Variants in DMKN observed in about 807,000 individuals in gnomAD.
DMKN encodes the protein epidermis-specific secreted protein SK30/SK89.
Under a neutral mutation model 67.6 loss-of-function variants are expected in DMKN, and 58 were observed. That is an observed-to-expected ratio of 0.86 (90% CI 0.69 to 1.07). The LOEUF (loss-of-function observed/expected upper bound fraction) is 1.07, where lower values mean the gene tolerates loss of function less well. Ranked by LOEUF, DMKN falls within the 50% of genes least tolerant of loss-of-function variation. DMKN has a pLI of 0.00. For synonymous variants in DMKN, 240 were observed against 232.3 expected (o/e 1.03, Z -0.30); for missense variants, 596 against 601.5 (o/e 0.99, Z 0.10).
chr19:35,512,608 GT>G lies in DMKN; in HGVS notation c.608del (p.Asn203ThrfsTer18). 2 of 1,614,194 alleles carry G rather than the reference GT, an allele frequency of 1.2e-6. No homozygotes were observed. The highest frequency in any genetic ancestry group is 1.7e-6 in the Non-Finnish European group (2 of 1,180,028). On this transcript the variant is annotated frameshift_variant, in exon 2 of 16. Coordinates refer to ENST00000339686, the MANE Select transcript of DMKN (RefSeq NM_033317.5). LOFTEE classifies it high-confidence loss of function. Reference protein sequence around the residue: ...WGQGGNGGPPNFGTNTQGAVA... With the variant: ...WGQGGNGGPPXFGTNTQGAVA... ...ACTTTACCTGAGTGTTGGTCCCAAA[GT>G]TTGGTGGCCCTCCATTGCCTCCTTG...
chr19:35,503,770 C>T lies in DMKN; in HGVS notation c.1135-884G>A, dbSNP rs187266095. On this transcript the variant is annotated intron_variant, in intron 9 of 15. Coordinates refer to ENST00000339686, the MANE Select transcript of DMKN (RefSeq NM_033317.5). Reference sequence around the variant, plus strand: ...GGATTACAGGCATGAGCCACCGCGCCTGGCCAGAAATAGGTTCTAAGAGAG... The same window carrying T: ...GGATTACAGGCATGAGCCACCGCGCTTGGCCAGAAATAGGTTCTAAGAGAG... 4.8e-4 allele frequency among the ~76,000 whole-genome samples: 73 copies of T among 152,274 alleles called. No homozygotes were observed. In the East Asian group the frequency reaches 0.012, roughly 24 times the overall value.
chr19:35,509,388 G>T (rs530645668), intron 7 of DMKN: 5 of 152,954 alleles, frequency 3.3e-5, no homozygotes, highest in African/African-American at 1.2e-4. Context: ...CCCTGGCCAC[G>T]TGGGTCCTTT....
At chr19:35,508,920 T>TA (rs979508144) in intron 7 of DMKN, among the ~76,000 whole-genome samples, 2 of 152,044 alleles carry the variant, frequency 1.3e-5, no homozygotes, top group East Asian at 1.9e-4. Context: ...TGAGGTATAT[T>TA]AAAAAACTAG....
chr19:35,513,163 C>G lies in DMKN; in HGVS notation c.313G>C (p.Ala105Pro). ...LGNRVGEAAH[A>P]LGNTGHEIGR... ...ATCTCGTGCCCAGTGTTTCCCAGAGCATGGGCTGCTTCCCCGACCCTGTTG... is the reference window on the plus strand; with the variant it reads ...ATCTCGTGCCCAGTGTTTCCCAGAGGATGGGCTGCTTCCCCGACCCTGTTG... Residue 105 changes from alanine (A) to proline (P), a missense_variant, in exon 1 of 16, where the codon GCT (alanine) becomes CCT (proline). Transcript: ENST00000339686. The G allele has an allele frequency of 6.2e-7, 1 of 1,614,210 alleles. No homozygotes were observed. Among genetic ancestry groups the G allele is most frequent in the East Asian group, 2.2e-5 (1 of 44,876 alleles).
intron 5 of DMKN, 165 bp from the exon 6 acceptor site, chr19:35,510,417 A>T (rs762459251): frequency 1.9e-5 from 30 of 1,552,220 alleles, no homozygotes; most frequent in Non-Finnish European, 2.6e-5. Context: ...GCAGGAAGTT[A>T]TTCCGAGCAT....
chr19:35,503,530 C>CAGT (rs2068830926), intron 9 of DMKN: 1 of 1,513,844 alleles, frequency 6.6e-7, no homozygotes. Context: ...GGCTGGAGTG[C>CAGT]AGTGGCACGA....
Position 35,513,642 on chromosome 19 carries a change from G to A in DMKN, c.-167C>T, listed in dbSNP as rs1333957163. The A allele has an allele frequency of 1.1e-6, 1 of 882,476 alleles. No individual in the cohort carries two copies. The highest frequency in any genetic ancestry group is 1.7e-5 in the African/African-American group (1 of 58,828). 54.7% of individuals were successfully genotyped at this position (882,476 alleles called of 1,614,324 possible). A position where few individuals can be genotyped will look rare whatever the true frequency, so the allele number is the denominator to read the frequency against. On this transcript the variant is annotated 5_prime_UTR_variant, in exon 1 of 16. Coordinates refer to ENST00000339686, the MANE Select transcript of DMKN (RefSeq NM_033317.5). ...TCTCTCTCCTGTCCTCAACTGCCTG[G>A]GCTTCTCAGAGTCCACCTCCCTGTC...
At chr19:35,503,387 C>G in intron 9 of DMKN, 2 of 1,551,362 alleles carry the variant, frequency 1.3e-6, no homozygotes, top group Non-Finnish European at 1.7e-6. Context: ...AGTGTGGGGG[C>G]TCCCATCCAA....
In DMKN at chr19:35,512,735, C is replaced by T; in HGVS notation, c.482G>A (p.Gly161Asp). 6.2e-7 allele frequency: 1 copy of T among 1,614,144 alleles called. No homozygotes were observed. Among genetic ancestry groups the T allele is most frequent in the Non-Finnish European group, 8.5e-7 (1 of 1,180,014 alleles). Residue 161 changes from glycine (G) to aspartate (D), a missense_variant, in exon 2 of 16, where the codon GGC (glycine) becomes GAC (aspartate). By Grantham distance (94) the Gly-to-Asp change is moderately conservative (BLOSUM62 -1). Coordinates refer to ENST00000339686, the MANE Select transcript of DMKN (RefSeq NM_033317.5). ...FGSQGGLGGQ[G>D]QGNPGGLGTP... Reference sequence around the variant, plus strand: ...CCCCAGACCTCCAGGATTGCCCTGGCCCTGGCCTCCAAGGCCACCTTGAGA... The same window carrying T: ...CCCCAGACCTCCAGGATTGCCCTGGTCCTGGCCTCCAAGGCCACCTTGAGA...
At chr19:35,510,636 C>G in intron 5 of DMKN, 1 of 1,337,444 alleles carries the variant, frequency 7.5e-7, no homozygotes, top group Non-Finnish European at 9.9e-7. Flanking sequence ...ATTCCCAGAA[C>G]TGCCCTAGAT....
At chr19:35,507,909 G>A in intron 7 of DMKN, 2 of 463,014 alleles carry the variant, frequency 4.3e-6, no homozygotes, top group South Asian at 6.1e-5. Flanking sequence ...ACCCTGTCTG[G>A]GCTGATTGGC....
intron 13 of DMKN, chr19:35,499,177 T>C: frequency 6.0e-6 from 3 of 500,234 alleles, no homozygotes; most frequent in South Asian, 4.4e-5. Flanking sequence ...GCCTGCCAGG[T>C]AGGGAGACAC....
intron 5 of DMKN, 52 bp downstream of exon 5, chr19:35,511,359 G>GACC: frequency 6.2e-7 from 1 of 1,601,378 alleles, no homozygotes; most frequent in South Asian, 1.1e-5. Context: ...TCCCGGCAGG[G>GACC]ACCACTAGGG....
intron 7 of DMKN, chr19:35,507,772 A>G (rs777954995): frequency 2.0e-5 from 10 of 492,212 alleles, no homozygotes; most frequent in South Asian, 2.9e-5. Context: ...ATCTCTGTTT[A>G]TGTTCATTTC....
intron 7 of DMKN, chr19:35,506,831 T>C: frequency 4.1e-6 from 1 of 242,328 alleles, no homozygotes; most frequent in South Asian, 4.4e-5. Flanking sequence ...CTGGCCAACA[T>C]AGTGAAACCC....
intron 5 of DMKN, chr19:35,510,581 C>T (rs2070576447): frequency 6.7e-7 from 1 of 1,498,248 alleles, no homozygotes; most frequent in East Asian, 2.5e-5. Context: ...GTGGAAGGGA[C>T]CCTAGAGCCC....
chr19:35,502,070 G>A (rs1196082049), intron 11 of DMKN, 66 bp downstream of exon 11: 1 of 1,609,432 alleles, frequency 6.2e-7, no homozygotes, highest in African/African-American at 1.3e-5. Flanking sequence ...ACAGACACCT[G>A]GGTCAGCGGC....
chr19:35,513,102 G>C lies in DMKN; in HGVS notation c.374C>G (p.Ala125Gly). 1 of 1,614,084 alleles carries C rather than the reference G, an allele frequency of 6.2e-7. No homozygotes were observed. Among genetic ancestry groups the C allele is most frequent in the South Asian group, 1.1e-5 (1 of 91,080 alleles). The change falls in exon 1 of 16, where the codon GCA (alanine) becomes GGA (glycine). Residue 125 changes from alanine (A) to glycine (G), a missense_variant. Coordinates refer to ENST00000339686, the MANE Select transcript of DMKN (RefSeq NM_033317.5). ...RQAEDVIRHGADAVRGSWQGV... is the reference protein window; with the variant it reads ...RQAEDVIRHGGDAVRGSWQGV... Reference sequence around the variant, plus strand: ...CTGCCAGGAGCCGCGGACAGCATCTGCTCCGTGTCGAATGACATCTTCTGC... The same window carrying C: ...CTGCCAGGAGCCGCGGACAGCATCTCCTCCGTGTCGAATGACATCTTCTGC...
At chr19:35,508,366 C>A in intron 7 of DMKN, 1 of 1,053,076 alleles carries the variant, frequency 9.5e-7, no homozygotes. Flanking sequence ...GGAACTGGTC[C>A]AAACACTGAC....
Sources: gnomAD v4.1 joint callset for allele counts (sites outside exome capture counted in the v4.1 genomes callset) on GRCh38, gnomAD v4.1.1 for gene constraint, MANE v1.5 for transcripts, NCBI Gene and HGNC (gene_info 2026-07-23, HGNC 2026-07-21) for gene names.